The following SLC9A9 variants were observed in gnomAD, a reference collection of about 807,000 sequenced individuals.
The protein encoded by SLC9A9 is sodium/hydrogen exchanger 9.
In SLC9A9, 62 loss-of-function variants were observed where a neutral mutation model predicts 77.8. The ratio of observed to expected loss-of-function variants is 0.80; its 90% CI spans 0.65 to 0.98. The LOEUF is 0.98. SLC9A9 is among the 50% of genes least tolerant of loss of function. The pLI, the probability that SLC9A9 is intolerant of heterozygous loss-of-function variation, is 0.00. For synonymous variants in SLC9A9, 320 were observed against 283.5 expected (o/e 1.13, Z -1.29); for missense variants, 775 against 774.9 (o/e 1.00, Z 0.00).
chr3:143,325,453 CAG>C (rs1412408634), intron 14 of SLC9A9, among the ~76,000 whole-genome samples: 1 of 152,192 alleles, frequency 6.6e-6, no homozygotes, highest in African/African-American at 2.4e-5. Flanking sequence ...AGTTCACTGT[CAG>C]ACTGGGTTTT....
At chr3:143,656,038 AG>A (rs1318493531) in intron 5 of SLC9A9, among the ~76,000 whole-genome samples, 1 of 152,200 alleles carries the variant, frequency 6.6e-6, no homozygotes, top group Non-Finnish European at 1.5e-5. Flanking sequence ...GGTCTGGAGA[AG>A]GCAGAAGAAA....
At chr3:143,655,395 A>G in intron 5 of SLC9A9, 1 of 876,492 alleles carries the variant, frequency 1.1e-6, no homozygotes, top group South Asian at 5.3e-5. Context: ...AGAGGAAAAC[A>G]CTCTGGACAT....
Position 143,423,205 on chromosome 3 carries a change from TCA to T in SLC9A9, c.1470-41093_1470-41092del, listed in dbSNP as rs997169197. ...CATATATGTAAATCTCTACTTACCCTCACACACACGTACACACACACACACGT... is the reference window on the plus strand; with the variant it reads ...CATATATGTAAATCTCTACTTACCCTCACACACGTACACACACACACACGT... On this transcript the variant is annotated intron_variant, in intron 12 of 15. Coordinates refer to ENST00000316549, the MANE Select transcript of SLC9A9 (RefSeq NM_173653.4). 3.4e-5 allele frequency among the ~76,000 whole-genome samples: 5 copies of T among 147,656 alleles called. No individual in the cohort carries two copies. The South Asian group carries it at 6.5e-4, about 19-fold the overall frequency.
rs532071721 is a variant in SLC9A9, at chr3:143,330,580, C to T, written c.1604+32904G>A. Among the ~76,000 whole-genome samples, 114 of 152,176 alleles carry T rather than the reference C, an allele frequency of 7.5e-4. 1 individual carries two copies. Among genetic ancestry groups the T allele is most frequent in the African/African-American group, 2.5e-3 (105 of 41,506 alleles). The stretch of plus-strand genomic sequence containing the variant: ...TTAGGGCATGGTTGGCTGAATTTTC[C>T]TGGGTGTCAAACACATACTGTTTCC... On this transcript the variant is annotated intron_variant, in intron 14 of 15. Coordinates refer to ENST00000316549, the MANE Select transcript of SLC9A9 (RefSeq NM_173653.4).
intron 6 of SLC9A9, among the ~76,000 whole-genome samples, chr3:143,582,723 T>G (rs1489254203): frequency 1.3e-5 from 2 of 152,186 alleles, no homozygotes; most frequent in East Asian, 3.8e-4. Context: ...CCCTCAGCTG[T>G]GTGGGCAGGG....
intron 4 of SLC9A9, among the ~76,000 whole-genome samples, chr3:143,761,512 C>A (rs946759686): frequency 3.3e-5 from 5 of 152,036 alleles, no homozygotes; most frequent in African/African-American, 1.2e-4. Flanking sequence ...AACAAACAAC[C>A]CCATCAAAAA....
At chr3:143,294,179 G>A (rs2030145536) in intron 14 of SLC9A9, among the ~76,000 whole-genome samples, 2 of 151,614 alleles carry the variant, frequency 1.3e-5, no homozygotes, top group South Asian at 4.2e-4. Context: ...ATACAGTATT[G>A]ATTTTTTATT....
chr3:143,310,393 C>G (rs1320792853), intron 14 of SLC9A9, among the ~76,000 whole-genome samples: 2 of 152,132 alleles, frequency 1.3e-5, no homozygotes, highest in Admixed American at 6.5e-5. Flanking sequence ...AATCTCCTTT[C>G]TAGAAGAAAG....
At chr3:143,287,985 T>C (rs1039234756) in intron 14 of SLC9A9, among the ~76,000 whole-genome samples, 4 of 152,184 alleles carry the variant, frequency 2.6e-5, no homozygotes, top group Non-Finnish European at 5.9e-5. Context: ...AAATTTAGGC[T>C]TTTGATCAAT....
intron 9 of SLC9A9, chr3:143,517,512 G>A (rs2036223125): frequency 3.3e-5 from 53 of 1,597,382 alleles, no homozygotes; most frequent in South Asian, 8.8e-5. Context: ...TCACGTTTTC[G>A]CTCATACTTT....
chr3:143,336,142 T>C (rs1447184312), intron 14 of SLC9A9, among the ~76,000 whole-genome samples: 1 of 152,144 alleles, frequency 6.6e-6, no homozygotes, highest in Non-Finnish European at 1.5e-5. Flanking sequence ...TTAACAAGCA[T>C]ATGAAAAGAT....
At chr3:143,325,648 G>T (rs556049541) in intron 14 of SLC9A9, among the ~76,000 whole-genome samples, 2 of 152,350 alleles carry the variant, frequency 1.3e-5, no homozygotes, top group African/African-American at 4.8e-5. Flanking sequence ...ACCCTTGGAA[G>T]GCCGTGGCCA....
At chr3:143,357,460 G>A (rs896479272) in intron 14 of SLC9A9, among the ~76,000 whole-genome samples, 5 of 152,100 alleles carry the variant, frequency 3.3e-5, no homozygotes, top group African/African-American at 1.2e-4. Context: ...TATCTCTCCT[G>A]CTTGCTACTG....
At chr3:143,331,047 T>G (rs1284905763) in intron 14 of SLC9A9, among the ~76,000 whole-genome samples, 2 of 152,226 alleles carry the variant, frequency 1.3e-5, no homozygotes, top group Non-Finnish European at 2.9e-5. Context: ...AATCTTACCT[T>G]TAGTTAATAG....
chr3:143,302,220 G>A (rs1479588492), intron 14 of SLC9A9, among the ~76,000 whole-genome samples: 1 of 152,164 alleles, frequency 6.6e-6, no homozygotes, highest in Non-Finnish European at 1.5e-5. Flanking sequence ...GGATGCTGGA[G>A]GCATCAGCCC....
At chr3:143,791,800 C>A (rs1254044908) in intron 4 of SLC9A9, among the ~76,000 whole-genome samples, 2 of 152,194 alleles carry the variant, frequency 1.3e-5, no homozygotes, top group Non-Finnish European at 2.9e-5. Flanking sequence ...TCTGCATAAA[C>A]TCAGGCCATC....
chr3:143,819,036 C>T (rs1188299469), intron 2 of SLC9A9, among the ~76,000 whole-genome samples: 5 of 152,120 alleles, frequency 3.3e-5, no homozygotes, highest in East Asian at 3.9e-4. Context: ...GAGCCAAGAT[C>T]GCACCGTTGC....
At chr3:143,547,044 T>A (rs2036802846) in intron 9 of SLC9A9, among the ~76,000 whole-genome samples, 1 of 152,242 alleles carries the variant, frequency 6.6e-6, no homozygotes, top group Non-Finnish European at 1.5e-5. Flanking sequence ...GCATTTGGTA[T>A]AATTCATTAT....
chr3:143,542,444 T>A (rs2036705145), intron 9 of SLC9A9, among the ~76,000 whole-genome samples: 1 of 152,208 alleles, frequency 6.6e-6, no homozygotes, highest in African/African-American at 2.4e-5. Context: ...GCCCATGACA[T>A]TCTCTCTCCA....
Sources: gnomAD v4.1 joint callset for allele counts (sites outside exome capture counted in the v4.1 genomes callset) on GRCh38, gnomAD v4.1.1 for gene constraint, MANE v1.5 for transcripts, NCBI Gene and HGNC (gene_info 2026-07-23, HGNC 2026-07-21) for gene names.